GALK2: variants seen among roughly 807,000 people sequenced by gnomAD.
GALK2 encodes the protein N-acetylgalactosamine kinase.
GALK2 carries 36 observed loss-of-function variants against 52.4 expected under a neutral mutation model. That is an observed-to-expected ratio of 0.69 (90% CI 0.53 to 0.91). The LOEUF (loss-of-function observed/expected upper bound fraction) is 0.91, where lower values mean the gene tolerates loss of function less well. Ranked by LOEUF, GALK2 falls within the 40% of genes least tolerant of loss-of-function variation. The pLI is 0.00. For missense variants in GALK2, 579 were observed against 559.1 expected (o/e 1.04, Z -0.36); for synonymous variants, 176 against 199.1 (o/e 0.88, Z 0.98).
At chr15:49,230,132 G>A (rs1595756895) in intron 3 of GALK2, among the ~76,000 whole-genome samples, 1 of 152,150 alleles carries the variant, frequency 6.6e-6, no homozygotes, top group South Asian at 2.1e-4. Context: ...GACAGGAGCT[G>A]TTGATCCCCA....
intron 1 of GALK2, among the ~76,000 whole-genome samples, chr15:49,192,697 C>T (rs914007575): frequency 6.6e-6 from 1 of 151,832 alleles, no homozygotes; most frequent in Non-Finnish European, 1.5e-5. Flanking sequence ...AGAACCTCAA[C>T]ATCAGAATGC....
chr15:49,180,511 C>G (rs376742924), intron 1 of GALK2, among the ~76,000 whole-genome samples: 82 of 152,274 alleles, frequency 5.4e-4, no homozygotes, highest in African/African-American at 1.9e-3. Flanking sequence ...TTTATTTCTA[C>G]AATCCGAATT....
chr15:49,265,492 G>A (rs1275912657), intron 5 of GALK2, among the ~76,000 whole-genome samples: 2 of 152,246 alleles, frequency 1.3e-5, no homozygotes, highest in Non-Finnish European at 2.9e-5. Context: ...TCTTTGACTA[G>A]GAAAGGGAAC....
intron 1 of GALK2, chr15:49,156,312 T>C: frequency 2.3e-6 from 1 of 431,968 alleles, no homozygotes; most frequent in South Asian, 2.2e-5. Context: ...CCTGAGGGCA[T>C]CATGTTGTAA....
chr15:49,246,795 A>G (rs572753515), intron 5 of GALK2, among the ~76,000 whole-genome samples: 2 of 152,288 alleles, frequency 1.3e-5, no homozygotes, highest in African/African-American at 4.8e-5. Flanking sequence ...AGTGCTTTCA[A>G]GAGAAGAAGA....
chr15:49,245,248 A>G (rs1040816473), intron 5 of GALK2, among the ~76,000 whole-genome samples: 13 of 152,150 alleles, frequency 8.5e-5, no homozygotes, highest in East Asian at 5.8e-4. Context: ...ACATTTACCA[A>G]TGTTATTTGG....
intron 3 of GALK2, among the ~76,000 whole-genome samples, chr15:49,228,687 ATTTT>A (rs1174406561): frequency 2.8e-4 from 4 of 14,272 alleles, no homozygotes; most frequent in Non-Finnish European, 4.7e-4. Context: ...ATATATATAT[ATTTT>A]TTTTTTTTTT....
intron 8 of GALK2, among the ~76,000 whole-genome samples, chr15:49,299,764 T>TTTCC (rs1567037573): frequency 1.6e-5 from 2 of 121,554 alleles, no homozygotes; most frequent in African/African-American, 6.0e-5. Context: ...TCTTTCTTTC[T>TTTCC]TTCTTTCTTT....
chr15:49,283,963 T>C (rs967057658), intron 7 of GALK2, among the ~76,000 whole-genome samples: 6 of 152,144 alleles, frequency 3.9e-5, no homozygotes, highest in African/African-American at 1.4e-4. Context: ...AGCAGAATTA[T>C]AGGTTAGGTC....
chr15:49,206,514 G>T (rs566032901), intron 2 of GALK2, among the ~76,000 whole-genome samples: 35 of 152,018 alleles, frequency 2.3e-4, no homozygotes, highest in Admixed American at 2.0e-3. Flanking sequence ...GCAGTGTTTC[G>T]TAGTTTTCCT....
At chr15:49,367,332 C>A in intron 3 of GALK2, 2 of 949,492 alleles carry the variant, frequency 2.1e-6, no homozygotes, top group South Asian at 2.2e-5. Flanking sequence ...TAATACTAAA[C>A]AGAAGCATTG....
In GALK2 at chr15:49,248,479, G is replaced by T. The variant is rs372507589; in HGVS notation, c.504+9112G>T. The stretch of plus-strand genomic sequence containing the variant: ...AAATCCAGAATACAAGCTTTGAAAA[G>T]AATCTCTTAATTAGGTGTTGAACAT... On this transcript the variant is annotated intron_variant, in intron 5 of 9. Coordinates refer to ENST00000560031, the MANE Select transcript of GALK2 (RefSeq NM_002044.4). Among the ~76,000 whole-genome samples the T allele has an allele frequency of 2.0e-5, 3 of 152,190 alleles. No homozygotes were observed. The East Asian group carries it at 5.8e-4, about 29-fold the overall frequency.
chr15:49,306,504 A>G (rs1220496535), intron 8 of GALK2, among the ~76,000 whole-genome samples: 1 of 152,128 alleles, frequency 6.6e-6, no homozygotes, highest in Non-Finnish European at 1.5e-5. Context: ...AAATATGCTT[A>G]TTTCACAGGT....
At chr15:49,261,935 G>A (rs1018851277) in intron 5 of GALK2, among the ~76,000 whole-genome samples, 8 of 151,996 alleles carry the variant, frequency 5.3e-5, no homozygotes, top group Non-Finnish European at 7.4e-5. Flanking sequence ...ATCATGGTGG[G>A]TAAGCTTTTT....
chr15:49,324,472 C>G (rs2037168276), intron 9 of GALK2, among the ~76,000 whole-genome samples: 1 of 147,748 alleles, frequency 6.8e-6, no homozygotes, highest in African/African-American at 2.5e-5. Context: ...GCCTCTTTGA[C>G]TTATGAATAT....
At chr15:49,292,570 A>G (rs2034044371) in intron 8 of GALK2, 33 bp downstream of exon 8, 1 of 1,546,660 alleles carries the variant, frequency 6.5e-7, no homozygotes, top group East Asian at 2.2e-5. Context: ...GATATATGTT[A>G]TTCCCTCACT....
intron 3 of GALK2, among the ~76,000 whole-genome samples, chr15:49,341,914 G>GT (rs1448659466): frequency 2.4e-4 from 37 of 152,034 alleles, no homozygotes; most frequent in Non-Finnish European, 4.4e-4. Flanking sequence ...TAAGAGTTTG[G>GT]TTTTTTTGAA....
At chr15:49,353,611 A>C (rs940206458) in intron 3 of GALK2, 2 of 139,172 alleles carry the variant, frequency 1.4e-5, no homozygotes, top group African/African-American at 5.7e-5. Context: ...AAGGAAAATA[A>C]GGGTTTTTTT....
intron 8 of GALK2, among the ~76,000 whole-genome samples, chr15:49,316,132 A>G (rs990827484): frequency 1.1e-4 from 16 of 152,236 alleles, no homozygotes; most frequent in African/African-American, 3.9e-4. Context: ...CTTATTAGAC[A>G]TAACAACTGA....
Sources: allele counts gnomAD v4.1 joint callset (sites outside exome capture counted in the v4.1 genomes callset), GRCh38; gene constraint gnomAD v4.1.1; transcripts MANE v1.5; gene names NCBI Gene and HGNC (gene_info 2026-07-23, HGNC 2026-07-21).